Variants in EXOC6 observed in about 807,000 individuals in gnomAD.
EXOC6 encodes SEC15-like 1.
Under a neutral mutation model 112.5 loss-of-function variants are expected in EXOC6, and 60 were observed. The ratio of observed to expected loss-of-function variants is 0.53; its 90% confidence interval spans 0.43 to 0.66. The LOEUF is 0.66. Among genes scored for constraint, EXOC6 ranks in the 30% least tolerant of loss-of-function variants. The probability of loss-of-function intolerance (pLI) is 0.00; values close to 1 mark genes in which losing one functional copy is unlikely to be tolerated. For missense variants in EXOC6, 855 were observed against 957.1 expected (o/e 0.89, Z 1.41); for synonymous variants, 295 against 308.0 (o/e 0.96, Z 0.44).
At chr10:92,831,459 A>T, upstream of EXOC6, 1 of 618,408 alleles carries the variant, frequency 1.6e-6, no homozygotes, top group Admixed American at 3.1e-5. Context: ...TTCGAGTTGG[A>T]GTCTCACTCT....
chr10:92,934,609 C>A (rs1002760004), intron 11 of EXOC6, among the ~76,000 whole-genome samples, 179 bp downstream of exon 11: 1 of 152,100 alleles, frequency 6.6e-6, no homozygotes, highest in African/African-American at 2.4e-5. Flanking sequence ...GATTTTGCAA[C>A]TGACTGGGGC....
intron 1 of EXOC6, among the ~76,000 whole-genome samples, chr10:92,850,092 A>G (rs1273039688): frequency 3.3e-5 from 5 of 152,218 alleles, no homozygotes; most frequent in Admixed American, 6.5e-5. Context: ...TCATCACTGC[A>G]TCTTGAAACT....
In EXOC6 at chr10:92,894,815, C is replaced by T. The variant is rs371177290; in HGVS notation, c.295C>T (p.Arg99Ter). The T allele has an allele frequency of 2.5e-6, 4 of 1,613,266 alleles. No individual in the cohort carries two copies. The highest frequency in any genetic ancestry group is 3.4e-6 in the Non-Finnish European group (4 of 1,179,660). Reference protein sequence around the residue: ...KLKVQVTDTNRRFQDAGKEVI... With the variant: ...KLKVQVTDTN Reference sequence around the variant, plus strand: ...TAAGGTGCAAGTTACTGATACCAACCGAAGGTTTCAAGATGCTGGAAAAGA... The same window carrying T: ...TAAGGTGCAAGTTACTGATACCAACTGAAGGTTTCAAGATGCTGGAAAAGA... Residue 99 changes from arginine to a stop codon, truncating the protein, a stop_gained, in exon 3 of 22, where the codon CGA (arginine) becomes TGA (stop). Transcript: ENST00000260762. LOFTEE classifies it high-confidence loss of function.
intron 1 of EXOC6, among the ~76,000 whole-genome samples, chr10:92,849,798 T>C (rs1383938479): frequency 6.6e-6 from 1 of 152,182 alleles, no homozygotes; most frequent in African/African-American, 2.4e-5. Context: ...AAAAATTATT[T>C]AACCTCTCTG....
chr10:92,994,296 G>A (rs1189991693), intron 18 of EXOC6, among the ~76,000 whole-genome samples: 1 of 152,166 alleles, frequency 6.6e-6, no homozygotes, highest in Non-Finnish European at 1.5e-5. Flanking sequence ...GGAGCCAAAT[G>A]TCTCTTTACC....
chr10:92,893,469 A>AGATG lies in EXOC6; in HGVS notation c.223_226dup (p.Ala76GlyfsTer8). 6.2e-7 allele frequency: 1 copy of AGATG among 1,613,062 alleles called. No homozygotes were observed. Among genetic ancestry groups the AGATG allele is most frequent in the Non-Finnish European group, 8.5e-7 (1 of 1,179,328 alleles). On this transcript the variant is annotated frameshift_variant, in exon 2 of 22. Transcript: ENST00000260762. LOFTEE classifies it high-confidence loss of function. ...GTAATTTTCATCATCAGGGTTTTGT[A>AGATG]GATGCTATTACAGAACTCCTTAAAG...
chr10:92,961,617 A>AT (rs1193708022), intron 17 of EXOC6, among the ~76,000 whole-genome samples: 11 of 151,942 alleles, frequency 7.2e-5, no homozygotes, highest in Non-Finnish European at 1.6e-4. Flanking sequence ...AAATAAAAAC[A>AT]TTTTTTCAGT....
chr10:93,003,776 G>A (rs935388127), intron 19 of EXOC6, among the ~76,000 whole-genome samples: 3 of 152,034 alleles, frequency 2.0e-5, no homozygotes, highest in Non-Finnish European at 4.4e-5. Flanking sequence ...GTATGCTGTG[G>A]GATTGAGAAG....
rs758718273 is a variant in EXOC6, at chr10:93,056,910, C to G, written c.2170-14C>G. 1.0e-5 allele frequency: 15 copies of G among 1,444,498 alleles called. No individual in the cohort carries two copies. Among genetic ancestry groups the G allele is most frequent in the Non-Finnish European group, 1.4e-5 (15 of 1,038,064 alleles). The allele number at this position is 1,444,498 out of a possible 1,614,324, so 89.5% of individuals were successfully genotyped here. The stretch of plus-strand genomic sequence containing the variant: ...AATCAAAAGTTGATTTAACATTTCC[C>G]CCATCTTTCGCAGCTCCTTGACCTG... On this transcript the variant is annotated splice_polypyrimidine_tract_variant and intron_variant, in intron 20 of 21. Transcript: ENST00000260762.
At chr10:92,888,709 G>A (rs548049736) in intron 1 of EXOC6, among the ~76,000 whole-genome samples, 180 of 152,290 alleles carry the variant, frequency 1.2e-3, no homozygotes, top group African/African-American at 4.0e-3. Context: ...ACATAGAAAT[G>A]TGTATGTATA....
At chr10:92,986,700 A>G (rs886657677) in intron 18 of EXOC6, among the ~76,000 whole-genome samples, 1 of 151,580 alleles carries the variant, frequency 6.6e-6, no homozygotes, top group African/African-American at 2.4e-5. Context: ...AAAAAAAAGT[A>G]CTTGAATACC....
intron 5 of EXOC6, among the ~76,000 whole-genome samples, chr10:92,907,221 A>G (rs1015525810): frequency 6.6e-6 from 1 of 152,186 alleles, no homozygotes; most frequent in African/African-American, 2.4e-5. Flanking sequence ...TTGAGAGAGC[A>G]AATATGAGGG....
At position 92,898,210 on chromosome 10, in the gene EXOC6, G is replaced by A. The variant is rs191825685; in HGVS notation, c.413-1389G>A. Reference sequence around the variant, plus strand: ...GAGGTGGGAGGATCATTTGAGGCCAGGAGTTTGAGAACAGCCTGGGCAACA... The same window carrying A: ...GAGGTGGGAGGATCATTTGAGGCCAAGAGTTTGAGAACAGCCTGGGCAACA... On this transcript the variant is annotated intron_variant, in intron 4 of 21. Coordinates refer to ENST00000260762, the MANE Select transcript of EXOC6 (RefSeq NM_019053.6). Among the ~76,000 whole-genome samples the A allele has an allele frequency of 1.0e-3, 155 of 151,668 alleles. 1 individual carries two copies. The highest frequency in any genetic ancestry group is 3.6e-3 in the African/African-American group (150 of 41,300).
chr10:92,944,682 A>G (rs1852866807), intron 13 of EXOC6, among the ~76,000 whole-genome samples: 1 of 152,164 alleles, frequency 6.6e-6, no homozygotes, highest in South Asian at 2.1e-4. Context: ...ACAGCGTGCA[A>G]AGGTTCCCTT....
intron 13 of EXOC6, among the ~76,000 whole-genome samples, chr10:92,943,945 C>T (rs945730138): frequency 6.6e-6 from 1 of 152,186 alleles, no homozygotes; most frequent in African/African-American, 2.4e-5. Context: ...TCAGGCTTCT[C>T]TCTACTTCTG....
intron 8 of EXOC6, among the ~76,000 whole-genome samples, chr10:92,923,926 A>T (rs1485757224): frequency 6.6e-6 from 1 of 152,158 alleles, no homozygotes; most frequent in African/African-American, 2.4e-5. Context: ...AGGGTGCCAA[A>T]TAAAGGAGAA....
rs35929496 is a variant in EXOC6, at chr10:92,835,596, CTGTG to C, written c.86+787_86+790del. ...TGGAAGGATATGTGTGTGTGTGTAT[CTGTG>C]TGTGTGTGTGTGTGACCTCTTCATT... is the stretch of plus-strand genomic sequence containing the variant. On this transcript the variant is annotated intron_variant, in intron 1 of 21. Transcript: ENST00000371552. 6.6e-5 allele frequency among the ~76,000 whole-genome samples: 10 copies of C among 150,584 alleles called. No homozygotes were observed. In the East Asian group the frequency reaches 1.2e-3, roughly 18 times the overall value.
intron 20 of EXOC6, among the ~76,000 whole-genome samples, chr10:93,056,272 C>A (rs552752625): frequency 6.6e-6 from 1 of 152,204 alleles, no homozygotes; most frequent in South Asian, 2.1e-4. Context: ...TTTTAAGACA[C>A]CACGGGAAAC....
intron 1 of EXOC6, among the ~76,000 whole-genome samples, chr10:92,857,180 TC>T (rs1318065127): frequency 1.3e-5 from 2 of 150,944 alleles, no homozygotes; most frequent in Non-Finnish European, 3.0e-5. Flanking sequence ...TTTTTTTTGC[TC>T]CTCTATTCCT....
Sources: allele counts gnomAD v4.1 joint callset (sites outside exome capture counted in the v4.1 genomes callset), GRCh38; gene constraint gnomAD v4.1.1; transcripts MANE v1.5; gene names NCBI Gene and HGNC (gene_info 2026-07-23, HGNC 2026-07-21).